ISM2: variants seen among roughly 807,000 people sequenced by gnomAD.
The protein encoded by ISM2 is isthmin 2.
ISM2 carries 50 observed loss-of-function variants against 58.0 expected under a neutral mutation model. The observed-to-expected ratio is 0.86, with a 90% CI of 0.69 to 1.09. The LOEUF (loss-of-function observed/expected upper bound fraction) is 1.09. Among genes scored for constraint, ISM2 ranks in the 50% least tolerant of loss-of-function variants. The pLI is 0.00. For missense variants in ISM2, 723 were observed against 745.0 expected (o/e 0.97, Z 0.34); for synonymous variants, 303 against 312.4 (o/e 0.97, Z 0.32).
chr14:77,476,164 G>T, intron 6 of ISM2, 52 bp from the exon 7 acceptor site: 1 of 1,493,952 alleles, frequency 6.7e-7, no homozygotes, highest in Non-Finnish European at 8.9e-7. Context: ...AGCCAGGCCC[G>T]TGTGGGGCGG....
intron 3 of ISM2, 49 bp downstream of exon 3, chr14:77,484,274 G>A (rs369661379): frequency 1.2e-4 from 192 of 1,587,498 alleles, no homozygotes; most frequent in Non-Finnish European, 1.3e-4. Flanking sequence ...TGTCAGCCCC[G>A]CTCCTCTCCG....
At chr14:77,485,911 A>G (rs1033294287) in intron 1 of ISM2, among the ~76,000 whole-genome samples, 1 of 152,238 alleles carries the variant, frequency 6.6e-6, no homozygotes, top group African/African-American at 2.4e-5. Context: ...CAACTTGACA[A>G]TATCCTCGTC....
At chr14:77,484,218 C>T (rs1181223312) in intron 3 of ISM2, 105 bp downstream of exon 3, 26 of 1,450,782 alleles carry the variant, frequency 1.8e-5, no homozygotes, top group Non-Finnish European at 2.3e-5. Flanking sequence ...ACACAGCAGC[C>T]CCACCCTCCA....
rs1339460264 is a variant in ISM2, at chr14:77,484,824, T to G, written c.237A>C (p.Gly79=). ...THLQAEPHQH[G]CWTVTEPAAM... ...CTGCTGGCTCAGTGACAGTCCAGCA[T>G]CCATGTTGGTGTGGCTCTGCCTGCA... Residue 79 remains glycine, a synonymous_variant, in exon 2 of 7, where the codon GGA becomes GGC. Transcript: ENST00000342219. 1 of 1,609,928 alleles carries G rather than the reference T, an allele frequency of 6.2e-7. No individual in the cohort carries two copies. Among genetic ancestry groups the G allele is most frequent in the Admixed American group, 1.7e-5 (1 of 59,448 alleles).
At chr14:77,481,899 A>G (rs935319137) in intron 4 of ISM2, among the ~76,000 whole-genome samples, 1 of 151,996 alleles carries the variant, frequency 6.6e-6, no homozygotes, top group African/African-American at 2.4e-5. Context: ...CAGGAGTTTG[A>G]GACCAGCCTC....
At chr14:77,491,993 C>A (rs1179336362) in intron 1 of ISM2, among the ~76,000 whole-genome samples, 5 of 150,746 alleles carry the variant, frequency 3.3e-5, no homozygotes, top group Admixed American at 6.7e-5. Context: ...ACCGCCCAGC[C>A]CCCCACCTTT....
intron 1 of ISM2, among the ~76,000 whole-genome samples, chr14:77,497,314 G>A (rs2079249144): frequency 7.1e-6 from 1 of 141,234 alleles, no homozygotes; most frequent in African/African-American, 2.6e-5. Flanking sequence ...GTTGCAGTGA[G>A]CCAAGATCGT....
chr14:77,482,537 TAGTCTCCCCAGAGG>T lies in ISM2; in HGVS notation c.744_757del (p.Phe248LeufsTer31). 6.2e-7 allele frequency: 1 copy of T among 1,614,140 alleles called. No homozygotes were observed. The highest frequency in any genetic ancestry group is 8.5e-7 in the Non-Finnish European group (1 of 1,179,996). On this transcript the variant is annotated frameshift_variant, in exon 4 of 7. Coordinates refer to ENST00000342219, the MANE Select transcript of ISM2 (RefSeq NM_199296.3). LOFTEE classifies it high-confidence loss of function. Reference sequence around the variant, plus strand: ...GGCCCTGTCTTTTTCCTCTCCTTTGTAGTCTCCCCAGAGGAAGGACCAGAGGGCGGGCAGCCAGC... The same window carrying T: ...GGCCCTGTCTTTTTCCTCTCCTTTGTAAGGACCAGAGGGCGGGCAGCCAGC...
chr14:77,482,268 C>G (rs1277349494), intron 4 of ISM2, 54 bp downstream of exon 4: 1 of 1,385,590 alleles, frequency 7.2e-7, no homozygotes. Flanking sequence ...ACCCCCATTT[C>G]CACTCAGTAC....
chr14:77,488,065 C>T (rs1468977167), intron 1 of ISM2, among the ~76,000 whole-genome samples: 1 of 152,226 alleles, frequency 6.6e-6, no homozygotes, highest in Non-Finnish European at 1.5e-5. Flanking sequence ...ACATCTTACA[C>T]ACCAGGCCTT....
Position 77,484,583 on chromosome 14 carries a change from A to C in ISM2, c.385-18T>G. ...GCTGAAGCCTGAGGAAGAGAGAGGGAAGGTGAGGTGACAGGTTAGGGCTTA... is the reference window on the plus strand; with the variant it reads ...GCTGAAGCCTGAGGAAGAGAGAGGGCAGGTGAGGTGACAGGTTAGGGCTTA... On this transcript the variant is annotated intron_variant, in intron 2 of 6. Transcript: ENST00000342219. The C allele has an allele frequency of 6.3e-7, 1 of 1,599,682 alleles. No individual in the cohort carries two copies. Among genetic ancestry groups the C allele is most frequent in the Admixed American group, 1.7e-5 (1 of 58,318 alleles).
chr14:77,496,029 A>G (rs1167816357), intron 1 of ISM2, among the ~76,000 whole-genome samples: 1 of 151,958 alleles, frequency 6.6e-6, no homozygotes, highest in African/African-American at 2.4e-5. Context: ...CCTGGTCAAC[A>G]TGACGAAACC....
intron 3 of ISM2, chr14:77,482,959 C>G (rs2139960375): frequency 6.5e-6 from 2 of 306,712 alleles, no homozygotes; most frequent in East Asian, 1.1e-4. Flanking sequence ...CTAACACATG[C>G]CAGGGTTGAC....
At position 77,478,638 on chromosome 14, in the gene ISM2, G is replaced by T. The variant is rs747609625; in HGVS notation, c.1051C>A (p.Arg351=). The T allele has an allele frequency of 6.2e-7, 1 of 1,613,948 alleles. No individual in the cohort carries two copies. The highest frequency in any genetic ancestry group is 1.7e-5 in the Admixed American group (1 of 60,018). Residue 351 remains arginine (R), a synonymous_variant, in exon 5 of 7, where the codon CGG becomes AGG. Coordinates refer to ENST00000342219, the MANE Select transcript of ISM2 (RefSeq NM_199296.3). ...NCSTGKQQRT[R]PCGYGCTATE... ...GCAGTGCAGCCATAGCCACAGGGCC[G>T]AGTCCTCTGCTGCTTGCCAGTGCTG...
chr14:77,491,107 G>A (rs187314036), intron 1 of ISM2, among the ~76,000 whole-genome samples: 74 of 152,266 alleles, frequency 4.9e-4, no homozygotes, highest in East Asian at 2.3e-3. Flanking sequence ...GCAAATCTCC[G>A]GCAATCCAGC....
chr14:77,497,624 G>A (rs956566339), intron 1 of ISM2, among the ~76,000 whole-genome samples: 12 of 151,672 alleles, frequency 7.9e-5, no homozygotes, highest in South Asian at 2.1e-4. Context: ...AGTCCGGGAG[G>A]TTGAGGCTAC....
intron 1 of ISM2, among the ~76,000 whole-genome samples, chr14:77,491,552 C>T (rs1226464778): frequency 1.3e-5 from 2 of 152,048 alleles, no homozygotes; most frequent in African/African-American, 2.4e-5. Flanking sequence ...CCATGCCCGG[C>T]TAATTTTTTT....
intron 1 of ISM2, among the ~76,000 whole-genome samples, chr14:77,486,662 T>G (rs2079169668): frequency 6.6e-6 from 1 of 152,144 alleles, no homozygotes; most frequent in Non-Finnish European, 1.5e-5. Context: ...AGACAGGCAG[T>G]CTCGGAGCAG....
At chr14:77,495,326 T>C (rs1231531705) in intron 1 of ISM2, among the ~76,000 whole-genome samples, 2 of 152,240 alleles carry the variant, frequency 1.3e-5, no homozygotes, top group Admixed American at 6.5e-5. Context: ...ATGTTTTTGA[T>C]GACTCTGCCA....
Sources: allele counts gnomAD v4.1 joint callset (sites outside exome capture counted in the v4.1 genomes callset), GRCh38; gene constraint gnomAD v4.1.1; transcripts MANE v1.5; gene names NCBI Gene and HGNC (gene_info 2026-07-23, HGNC 2026-07-21).